GPC6: variants seen among roughly 807,000 people sequenced by gnomAD.
GPC6 encodes glypican 6, also known as glypican-6.
GPC6 carries 14 observed loss-of-function variants against 55.2 expected under a neutral mutation model. The ratio of observed to expected loss-of-function variants is 0.25; its 90% CI spans 0.17 to 0.40. GPC6 has a LOEUF of 0.40. Among genes scored for constraint, GPC6 ranks in the 10% least tolerant of loss-of-function variants. The pLI, the probability that GPC6 is intolerant of heterozygous loss-of-function variation, is 1.00. For missense variants in GPC6, 641 were observed against 708.5 expected, an observed-to-expected ratio of 0.90 and a Z score of 1.08; for synonymous variants, 278 against 259.6, an observed-to-expected ratio of 1.07 and a Z score of -0.68.
At chr13:94,356,052 A>C (rs997179232) in intron 6 of GPC6, among the ~76,000 whole-genome samples, 3 of 151,272 alleles carry the variant, frequency 2.0e-5, no homozygotes, top group African/African-American at 7.3e-5. Flanking sequence ...TTCCTGTGTT[A>C]GCTCCATCCA....
intron 2 of GPC6, among the ~76,000 whole-genome samples, chr13:93,783,826 C>G (rs1290904112): frequency 6.6e-6 from 1 of 152,134 alleles, no homozygotes; most frequent in Non-Finnish European, 1.5e-5. Context: ...ATTCTGTTCC[C>G]TCTCCTAGAA....
rs181157004 is a variant in GPC6, at chr13:93,717,409, T to A, written c.320-112745T>A. 5.0e-4 allele frequency among the ~76,000 whole-genome samples: 76 copies of A among 151,682 alleles called. 1 individual carries two copies. In the East Asian group the frequency reaches 0.015, roughly 30 times the overall value. ...CTACCTGAATGTCCTTGAATGTAATTATAATATTATGGAAATGACTTCACA... is the reference window on the plus strand; with the variant it reads ...CTACCTGAATGTCCTTGAATGTAATAATAATATTATGGAAATGACTTCACA... On this transcript the variant is annotated intron_variant, in intron 2 of 8. Transcript: ENST00000377047.
At chr13:93,830,881 A>G (rs994459101) in intron 3 of GPC6, 3 of 269,308 alleles carry the variant, frequency 1.1e-5, no homozygotes, top group Non-Finnish European at 2.1e-5. Flanking sequence ...GGTTTTAAGG[A>G]TGATAAATAC....
intron 4 of GPC6, among the ~76,000 whole-genome samples, chr13:94,239,589 T>C (rs116750858): frequency 3.9e-5 from 6 of 152,210 alleles, no homozygotes; most frequent in African/African-American, 1.4e-4. Context: ...ATTTCAGGTA[T>C]AGAAAATAAA....
intron 3 of GPC6, among the ~76,000 whole-genome samples, chr13:93,985,149 C>T (rs1210157351): frequency 6.6e-6 from 1 of 151,996 alleles, no homozygotes; most frequent in African/African-American, 2.4e-5. Flanking sequence ...AAAAAAGAGG[C>T]CAGGGCCAGG....
rs544504159 is a variant in GPC6 at position 93,497,377 on chromosome 13, T to C, written c.161-47886T>C. Among the ~76,000 whole-genome samples the C allele has an allele frequency of 6.6e-5, 10 of 152,344 alleles. No homozygotes were observed. The South Asian group carries it at 2.1e-3, about 32-fold the overall frequency. On this transcript the variant is annotated intron_variant, in intron 1 of 8. Transcript: ENST00000377047. The stretch of plus-strand genomic sequence containing the variant: ...AGGGGCAGGTCATAAAATAAAGGAT[T>C]ACAGAGCAAAGATATTAGTGAAAGA...
chr13:93,955,180 A>G lies in GPC6; in HGVS notation c.712-72549A>G, dbSNP rs76214147. On this transcript the variant is annotated intron_variant, in intron 3 of 8. Coordinates refer to ENST00000377047, the MANE Select transcript of GPC6 (RefSeq NM_005708.5). Reference sequence around the variant, plus strand: ...TTACTTCACCACCACATCTTTTGATATCTTCTTGCCAGTGAAGTGCAGAAG... The same window carrying G: ...TTACTTCACCACCACATCTTTTGATGTCTTCTTGCCAGTGAAGTGCAGAAG... 5.4e-4 allele frequency among the ~76,000 whole-genome samples: 82 copies of G among 151,684 alleles called. 1 individual carries two copies. The highest frequency in any genetic ancestry group is 1.9e-3 in the African/African-American group (78 of 41,328).
At chr13:93,262,453 T>G (rs1877183567) in intron 1 of GPC6, among the ~76,000 whole-genome samples, 1 of 152,168 alleles carries the variant, frequency 6.6e-6, no homozygotes, top group Non-Finnish European at 1.5e-5. Flanking sequence ...GACAAATCCT[T>G]CCACATGTCT....
chr13:93,601,820 A>AT (rs1217019135), intron 2 of GPC6, among the ~76,000 whole-genome samples: 51 of 152,370 alleles, frequency 3.3e-4, no homozygotes, highest in African/African-American at 1.2e-3. Context: ...TAAATGTGCT[A>AT]TCAAAGAGCA....
chr13:93,927,992 A>AT (rs145449726), intron 3 of GPC6, among the ~76,000 whole-genome samples: 3,983 of 151,842 alleles, frequency 0.026, 200 homozygotes, highest in African/African-American at 0.091. Flanking sequence ...TCCAGGTCTG[A>AT]TTTTTTTTGC....
intron 4 of GPC6, among the ~76,000 whole-genome samples, chr13:94,028,671 G>A (rs1249042217): frequency 1.3e-5 from 2 of 152,118 alleles, no homozygotes; most frequent in Admixed American, 6.6e-5. Flanking sequence ...TGGAAAAGAA[G>A]GCTTTAAGCA....
intron 1 of GPC6, among the ~76,000 whole-genome samples, chr13:93,340,478 A>G (rs984761310): frequency 5.3e-5 from 8 of 152,248 alleles, no homozygotes; most frequent in Admixed American, 4.6e-4. Flanking sequence ...TAAATAAAAG[A>G]AAGTAATTTT....
intron 2 of GPC6, among the ~76,000 whole-genome samples, chr13:93,797,199 C>T (rs951294970): frequency 9.5e-5 from 13 of 137,432 alleles, no homozygotes; most frequent in East Asian, 2.1e-4. Flanking sequence ...TTGCCTAGGG[C>T]GGAACCTGAG....
chr13:94,089,301 A>G (rs1885398008), intron 4 of GPC6, among the ~76,000 whole-genome samples: 1 of 152,160 alleles, frequency 6.6e-6, no homozygotes, highest in African/African-American at 2.4e-5. Flanking sequence ...CTACCAAGGA[A>G]ACCTTCAATC....
intron 2 of GPC6, among the ~76,000 whole-genome samples, chr13:93,587,536 C>T (rs1242444069): frequency 6.6e-6 from 1 of 152,184 alleles, no homozygotes; most frequent in Non-Finnish European, 1.5e-5. Context: ...TTGTTGCTTG[C>T]AGGGTCCACC....
At chr13:93,813,821 A>C (rs1886770039) in intron 2 of GPC6, among the ~76,000 whole-genome samples, 1 of 151,894 alleles carries the variant, frequency 6.6e-6, no homozygotes, top group South Asian at 2.1e-4. Flanking sequence ...AATGAGCAAA[A>C]CTTTTATACT....
intron 4 of GPC6, among the ~76,000 whole-genome samples, chr13:94,134,301 G>T (rs1887107202): frequency 6.6e-6 from 1 of 152,116 alleles, no homozygotes; most frequent in South Asian, 2.1e-4. Context: ...CTAATTAATG[G>T]CAGTGCCAGA....
At chr13:94,048,463 G>T (rs1883810153) in intron 4 of GPC6, among the ~76,000 whole-genome samples, 1 of 151,992 alleles carries the variant, frequency 6.6e-6, no homozygotes, top group Non-Finnish European at 1.5e-5. Flanking sequence ...AAAAGAGAGA[G>T]AAATAGTTGA....
At chr13:94,261,932 G>A (rs1891669841) in intron 4 of GPC6, among the ~76,000 whole-genome samples, 1 of 152,178 alleles carries the variant, frequency 6.6e-6, no homozygotes, top group South Asian at 2.1e-4. Flanking sequence ...GGCATAAGAG[G>A]TAGATTTTCA....
Sources: gnomAD v4.1 joint callset for allele counts (sites outside exome capture counted in the v4.1 genomes callset) on GRCh38, gnomAD v4.1.1 for gene constraint, MANE v1.5 for transcripts, NCBI Gene and HGNC (gene_info 2026-07-23, HGNC 2026-07-21) for gene names.